CLVS1: variants seen among roughly 807,000 people sequenced by gnomAD.
CLVS1 encodes clavesin 1, also known as clavesin-1.
CLVS1 carries 10 observed loss-of-function variants against 33.1 expected under a neutral mutation model. The observed-to-expected ratio is 0.30, with a 90% CI of 0.19 to 0.51. The LOEUF is 0.51. CLVS1 is among the 20% of genes least tolerant of loss of function. The pLI is 0.97. For synonymous variants in CLVS1, 163 were observed against 166.1 expected (o/e 0.98, Z 0.14); for missense variants, 343 against 433.4 (o/e 0.79, Z 1.85).
chr8:61,015,095 A>C, the CLVS1 span, among the ~76,000 whole-genome samples: 15 of 152,240 alleles, frequency 9.9e-5, no homozygotes, highest in African/African-American at 3.6e-4. Context: ...AAAGCATGGA[A>C]GGTAGCAGGA....
At chr8:61,115,035 T>A (rs1805692507) in intron 1 of CLVS1, among the ~76,000 whole-genome samples, 1 of 152,234 alleles carries the variant, frequency 6.6e-6, no homozygotes, top group South Asian at 2.1e-4. Context: ...CAAAAGTGAT[T>A]GTATAACTTT....
At chr8:61,091,014 T>C in intron 1 of CLVS1, 11 of 465,692 alleles carry the variant, frequency 2.4e-5, no homozygotes, top group South Asian at 1.8e-4. Context: ...ATTTGCACCC[T>C]AATCCCCAGA....
At chr8:61,102,981 G>A (rs976453660) in intron 1 of CLVS1, among the ~76,000 whole-genome samples, 5 of 152,124 alleles carry the variant, frequency 3.3e-5, no homozygotes, top group African/African-American at 7.2e-5. Flanking sequence ...TCTTGCCACC[G>A]GGAAAGGTAG....
chr8:61,054,892 T>C (rs548342541), upstream of CLVS1, among the ~76,000 whole-genome samples: 132 of 152,272 alleles, frequency 8.7e-4, no homozygotes, highest in African/African-American at 3.1e-3. Flanking sequence ...CAAGGCCTCA[T>C]AGAGCCTTGG....
chr8:61,157,907 A>C (rs539193590), intron 2 of CLVS1, among the ~76,000 whole-genome samples: 2 of 152,324 alleles, frequency 1.3e-5, no homozygotes, highest in South Asian at 4.1e-4. Context: ...ATACATTGCC[A>C]GTGGGAGTGT....
At chr8:61,073,707 C>A (rs1358532023) in intron 1 of CLVS1, among the ~76,000 whole-genome samples, 1 of 152,010 alleles carries the variant, frequency 6.6e-6, no homozygotes, top group African/African-American at 2.4e-5. Context: ...TAATACAGTA[C>A]TGTTATAAAA....
At chr8:61,255,312 T>C (rs916681344) in intron 2 of CLVS1, among the ~76,000 whole-genome samples, 1 of 152,198 alleles carries the variant, frequency 6.6e-6, no homozygotes, top group Non-Finnish European at 1.5e-5. Context: ...ATCTGATCTT[T>C]TGAGAGAATT....
chr8:61,228,226 ATATGCTT>A (rs928464213), intron 2 of CLVS1, among the ~76,000 whole-genome samples: 2 of 152,200 alleles, frequency 1.3e-5, no homozygotes, highest in African/African-American at 4.8e-5. Flanking sequence ...ATAGTAGACA[ATATGCTT>A]TGAAATATGG....
intron 1 of CLVS1, among the ~76,000 whole-genome samples, chr8:61,095,031 G>A (rs1397954985): frequency 6.6e-6 from 1 of 152,116 alleles, no homozygotes; most frequent in African/African-American, 2.4e-5. Context: ...TTAGCATTTA[G>A]TAATATATTT....
intron 2 of CLVS1, among the ~76,000 whole-genome samples, chr8:61,142,432 A>G (rs1806323718): frequency 6.6e-6 from 1 of 152,180 alleles, no homozygotes. Flanking sequence ...GCAATGTGAA[A>G]ATGGACTAAT....
chr8:61,378,661 G>A (rs1239586033), intron 3 of CLVS1, among the ~76,000 whole-genome samples: 1 of 152,190 alleles, frequency 6.6e-6, no homozygotes, highest in Non-Finnish European at 1.5e-5. Flanking sequence ...ACCATCCCAT[G>A]CTTTTTAGCT....
chr8:61,490,537 G>A (rs1208478693), intron 5 of CLVS1, among the ~76,000 whole-genome samples: 6 of 151,182 alleles, frequency 4.0e-5, no homozygotes, highest in African/African-American at 1.2e-4. Flanking sequence ...GCGTGGTAGC[G>A]CATGCCTGTA....
intron 2 of CLVS1, among the ~76,000 whole-genome samples, chr8:61,363,052 G>A (rs1414662885): frequency 6.6e-6 from 1 of 152,304 alleles, no homozygotes; most frequent in East Asian, 1.9e-4. Flanking sequence ...AAGGATTAAA[G>A]CAGGAGGTAA....
At chr8:61,340,016 G>T (rs200205459) in intron 2 of CLVS1, among the ~76,000 whole-genome samples, 4 of 123,402 alleles carry the variant, frequency 3.2e-5, no homozygotes, top group Non-Finnish European at 7.0e-5. Flanking sequence ...GGAAGAAAAA[G>T]AAAGAAAGGA....
At chr8:61,021,042 A>C in the CLVS1 span, among the ~76,000 whole-genome samples, 732 of 152,272 alleles carry the variant, frequency 4.8e-3, 7 homozygotes, top group African/African-American at 0.017. Flanking sequence ...TCCTGTTCTG[A>C]AGCATGTCTC....
At chr8:61,496,576 A>G (rs764663419) in intron 5 of CLVS1, among the ~76,000 whole-genome samples, 1 of 152,190 alleles carries the variant, frequency 6.6e-6, no homozygotes, top group Non-Finnish European at 1.5e-5. Flanking sequence ...CCTCTGCCCT[A>G]TCCCAGCAAT....
At chr8:61,164,383 C>T (rs931211682) in intron 2 of CLVS1, among the ~76,000 whole-genome samples, 2 of 152,186 alleles carry the variant, frequency 1.3e-5, no homozygotes, top group Admixed American at 1.3e-4. Context: ...AGCAGGAAAG[C>T]CCTGGCTCTT....
chr8:61,345,387 A>G (rs1812176029), intron 2 of CLVS1, among the ~76,000 whole-genome samples: 1 of 152,194 alleles, frequency 6.6e-6, no homozygotes, highest in Non-Finnish European at 1.5e-5. Flanking sequence ...AATATTCAAG[A>G]ATCCCAATAC....
chr8:61,110,776 A>T (rs1197568379), intron 1 of CLVS1, among the ~76,000 whole-genome samples: 1 of 152,236 alleles, frequency 6.6e-6, no homozygotes, highest in Admixed American at 6.5e-5. Flanking sequence ...ATTATCTCAC[A>T]TAACTAGAAT....
Sources: allele counts gnomAD v4.1 joint callset (sites outside exome capture counted in the v4.1 genomes callset), GRCh38; gene constraint gnomAD v4.1.1; transcripts MANE v1.5; gene names NCBI Gene and HGNC (gene_info 2026-07-23, HGNC 2026-07-21).